The following RBBP6 variants were observed in gnomAD, a reference collection of about 807,000 sequenced individuals.
RBBP6 encodes RB binding protein 6, ubiquitin ligase.
RBBP6 carries 25 observed loss-of-function variants against 167.7 expected under a neutral mutation model. The observed-to-expected ratio is 0.15, with a 90% confidence interval of 0.11 to 0.21. The LOEUF (loss-of-function observed/expected upper bound fraction) is 0.21, where lower values mean the gene tolerates loss of function less well. Among genes scored for constraint, RBBP6 ranks in the 10% least tolerant of loss-of-function variants. The pLI, the probability that RBBP6 is intolerant of heterozygous loss-of-function variation, is 1.00. For synonymous variants in RBBP6, 789 were observed against 735.8 expected (o/e 1.07, Z -1.17); for missense variants, 1,868 against 2,134.2 (o/e 0.88, Z 2.46).
At position 24,559,541 on chromosome 16, in the gene RBBP6, C is replaced by T; in HGVS notation, c.711C>T (p.Pro237=). The T allele has an allele frequency of 6.2e-7, 1 of 1,603,550 alleles. No homozygotes were observed. The highest frequency in any genetic ancestry group is 8.5e-7 in the Non-Finnish European group (1 of 1,176,274). ...CAATTGGGAAGAAAGAGAAACCTCCCTTCTTACCAGAGGAGCCATCTTCTT... is the reference window on the plus strand; with the variant it reads ...CAATTGGGAAGAAAGAGAAACCTCCTTTCTTACCAGAGGAGCCATCTTCTT... ...AYAIGKKEKP[P]FLPEEPSSSS... is the part of the protein sequence containing the mutation. Residue 237 remains proline, a synonymous_variant, in exon 8 of 18, where the codon CCC becomes CCT. Coordinates refer to ENST00000319715, the MANE Select transcript of RBBP6 (RefSeq NM_006910.5).
Position 24,569,799 on chromosome 16 carries a change from C to A in RBBP6, c.3109C>A (p.Pro1037Thr). The change falls in exon 17 of 18, where the codon CCT becomes ACT. Residue 1037 changes from proline to threonine, a missense_variant. This residue lies in a region of RBBP6 where 673 missense variants were observed against 691.5 expected (regional missense o/e 0.97). Coordinates refer to ENST00000319715, the MANE Select transcript of RBBP6 (RefSeq NM_006910.5). ...GTCCAAAAAAGAAAATATTGTAAAACCTGCTAAAGGACCCCAAGAAAAAGT... is the reference window on the plus strand; with the variant it reads ...GTCCAAAAAAGAAAATATTGTAAAAACTGCTAAAGGACCCCAAGAAAAAGT... ...AVSKKENIVK[P>T]AKGPQEKVDG... The A allele has an allele frequency of 1.2e-6, 2 of 1,613,022 alleles. No homozygotes were observed. The highest frequency in any genetic ancestry group is 1.7e-5 in the Admixed American group (1 of 59,746).
intron 3 of RBBP6, among the ~76,000 whole-genome samples, chr16:24,551,598 A>G (rs1991474): frequency 0.26 from 39,446 of 151,566 alleles, 5,210 homozygotes; most frequent in Admixed American, 0.33. Flanking sequence ...CTAATAAGTT[A>G]GCAGAAAGCT....
chr16:24,541,448 G>A (rs1701994538), intron 1 of RBBP6, among the ~76,000 whole-genome samples: 1 of 152,184 alleles, frequency 6.6e-6, no homozygotes, highest in African/African-American at 2.4e-5. Context: ...CGGCAATTAA[G>A]TAGTTAAACT....
chr16:24,565,657 C>A (rs1899178398), intron 14 of RBBP6, among the ~76,000 whole-genome samples: 1 of 152,152 alleles, frequency 6.6e-6, no homozygotes, highest in Non-Finnish European at 1.5e-5. Flanking sequence ...TACCCCCCTG[C>A]CCCCGTCCAT....
chr16:24,557,413 A>T (rs1223504819), intron 7 of RBBP6, among the ~76,000 whole-genome samples: 1 of 152,110 alleles, frequency 6.6e-6, no homozygotes, highest in African/African-American at 2.4e-5. Context: ...TTATTAATGT[A>T]GTCAGTTACT....
rs996306231 is a variant in RBBP6, at chr16:24,552,161, T to C, written c.304-1352T>C. Among the ~76,000 whole-genome samples, 19 of 151,946 alleles carry C rather than the reference T, an allele frequency of 1.3e-4. 5 individuals are homozygous for C. The highest frequency in any genetic ancestry group is 6.6e-5 in the Admixed American group (1 of 15,264). ...TGTCTGAATAAACATCCCAGTAATA[T>C]CCATCAAATTAACTTTTAAAACCCT... On this transcript the variant is annotated intron_variant, in intron 3 of 17. Coordinates refer to ENST00000319715, the MANE Select transcript of RBBP6 (RefSeq NM_006910.5).
Position 24,572,115 on chromosome 16 carries a change from C to T in RBBP6, c.5049C>T (p.Val1683=). Residue 1683 remains valine, a synonymous_variant, in exon 18 of 18, where the codon GTC becomes GTT. Transcript: ENST00000319715. The part of the protein sequence containing the change: ...AKESLDTAAV[V]QVGISRNQSH... ...AGAGCCTGGACACAGCAGCAGTTGT[C>T]CAGGTGGGCATAAGCAGGAATCAGA... 1 of 1,614,090 alleles carries T rather than the reference C, an allele frequency of 6.2e-7. No individual in the cohort carries two copies. Among genetic ancestry groups the T allele is most frequent in the Non-Finnish European group, 8.5e-7 (1 of 1,180,006 alleles).
chr16:24,569,035 A>G lies in RBBP6; in HGVS notation c.2345A>G (p.Asn782Ser). Residue 782 changes from asparagine to serine, a missense_variant, in exon 17 of 18, where the codon AAT (asparagine) becomes AGT (serine). Transcript: ENST00000319715. ...SPQAFRGQSPNKRNVPQGETE... is the reference protein window; with the variant it reads ...SPQAFRGQSPSKRNVPQGETE... ...CAAGCGTTTAGGGGACAGTCTCCTA[A>G]TAAACGTAATGTACCTCAAGGGGAA... The G allele has an allele frequency of 6.2e-7, 1 of 1,614,240 alleles. No individual in the cohort carries two copies. Among genetic ancestry groups the G allele is most frequent in the Non-Finnish European group, 8.5e-7 (1 of 1,180,038 alleles).
Position 24,567,279 on chromosome 16 carries a change from C to G in RBBP6, c.1726C>G (p.Pro576Ala), listed in dbSNP as rs546663828. 1.2e-5 allele frequency: 19 copies of G among 1,614,038 alleles called. No homozygotes were observed. Among genetic ancestry groups the G allele is most frequent in the East Asian group, 2.2e-5 (1 of 44,896 alleles). The change falls in exon 15 of 18, where the codon CCG (proline) becomes GCG (alanine). Residue 576 changes from proline (P) to alanine (A), a missense_variant. Physicochemically the swap from Pro to Ala is conservative, Grantham distance 27. Coordinates refer to ENST00000319715, the MANE Select transcript of RBBP6 (RefSeq NM_006910.5). ...TCCTCCCCATACACTTCCTCTCCCT[C>G]CGGGTGTTCCTCCTCCACAGTTTTC... ...PPPPHTLPLP[P>A]GVPPPQFSPQ...
chr16:24,570,414 G>A lies in RBBP6; in HGVS notation c.3724G>A (p.Val1242Ile). ...AAAATTGGAGTCAACATCTAGCAAA[G>A]TTAAACAAGAAAAAGTCAAAGGAAA... ...SEKLESTSSK[V>I]KQEKVKGKVR... Residue 1242 changes from valine to isoleucine, a missense_variant, in exon 17 of 18, where the codon GTT becomes ATT. Around this residue, in one of 7 missense-constraint regions of RBBP6, gnomAD observed 673 missense variants for 691.5 expected, o/e 0.97. Transcript: ENST00000319715. The A allele has an allele frequency of 6.2e-7, 1 of 1,610,742 alleles. No homozygotes were observed. Among genetic ancestry groups the A allele is most frequent in the Non-Finnish European group, 8.5e-7 (1 of 1,179,322 alleles).
chr16:24,560,719 TAAC>T (rs991064627), intron 8 of RBBP6, among the ~76,000 whole-genome samples: 9 of 152,210 alleles, frequency 5.9e-5, no homozygotes, highest in South Asian at 2.1e-4. Context: ...AATAAGAGTA[TAAC>T]AACTATTTAC....
Position 24,572,505 on chromosome 16 carries a change from A to G in RBBP6, c.*60A>G. On this transcript the variant is annotated 3_prime_UTR_variant, in exon 18 of 18. Coordinates refer to ENST00000319715, the MANE Select transcript of RBBP6 (RefSeq NM_006910.5). ...GTCATCTGTATTAAATTTTGTTATAATGTAAAGAGATTCAAGCCTTGTAAA... is the reference window on the plus strand; with the variant it reads ...GTCATCTGTATTAAATTTTGTTATAGTGTAAAGAGATTCAAGCCTTGTAAA... 6.8e-7 allele frequency: 1 copy of G among 1,464,302 alleles called. No individual in the cohort carries two copies. The highest frequency in any genetic ancestry group is 1.4e-5 in the African/African-American group (1 of 70,138). 90.7% of individuals were successfully genotyped at this position (1,464,302 alleles called of 1,614,324 possible). A position where few individuals can be genotyped will look rare whatever the true frequency, so the allele number is the denominator to read the frequency against.
At position 24,569,803 on chromosome 16, in the gene RBBP6, C is replaced by T. The variant is rs755055782; in HGVS notation, c.3113C>T (p.Ala1038Val). Reference sequence around the variant, plus strand: ...AAAAAAGAAAATATTGTAAAACCTGCTAAAGGACCCCAAGAAAAAGTAGAT... The same window carrying T: ...AAAAAAGAAAATATTGTAAAACCTGTTAAAGGACCCCAAGAAAAAGTAGAT... ...VSKKENIVKP[A>V]KGPQEKVDGE... The change falls in exon 17 of 18, where the codon GCT (alanine) becomes GTT (valine). Residue 1038 changes from alanine to valine, a missense_variant. Physicochemically the swap from Ala to Val is moderately conservative, Grantham distance 64. This residue lies in a region of RBBP6 where 673 missense variants were observed against 691.5 expected (regional missense o/e 0.97). Transcript: ENST00000319715. 5.0e-6 allele frequency: 8 copies of T among 1,612,220 alleles called. No homozygotes were observed. Among genetic ancestry groups the T allele is most frequent in the African/African-American group, 1.3e-5 (1 of 74,688 alleles).
In RBBP6 at chr16:24,540,128, C is replaced by T. The variant is rs1041045778; in HGVS notation, c.-499C>T. 1 of 153,608 alleles carries T rather than the reference C, an allele frequency of 6.5e-6. No homozygotes were observed. Among genetic ancestry groups the T allele is most frequent in the Non-Finnish European group, 1.5e-5 (1 of 68,798 alleles). 9.5% of individuals were successfully genotyped at this position (153,608 alleles called of 1,614,324 possible). A position where few individuals can be genotyped will look rare whatever the true frequency, so the allele number is the denominator to read the frequency against. On this transcript the variant is annotated 5_prime_UTR_variant, in exon 1 of 18. Transcript: ENST00000319715. ...AGCCAGGAGGAGGCGTGAGGCCGCT[C>T]GTGGACTCCGGGCCTAGGCCCTCTC...
chr16:24,559,784 A>ATGAC lies in RBBP6; in HGVS notation c.847+108_847+111dup, dbSNP rs1328464775. The ATGAC allele has an allele frequency of 9.5e-6, 10 of 1,047,130 alleles. No individual in the cohort carries two copies. The African/African-American group carries it at 1.5e-4, about 16-fold the overall frequency. The allele number at this position is 1,047,130 out of a possible 1,614,324, so 64.9% of individuals were successfully genotyped here. On this transcript the variant is annotated intron_variant, in intron 8 of 17. Transcript: ENST00000319715. ...TTTAATAATAAAATAAATAATGTTG[A>ATGAC]TGACAAGTGTTGATCAATGAGCATT...
intron 7 of RBBP6, among the ~76,000 whole-genome samples, chr16:24,558,873 C>G (rs9926381): frequency 0.15 from 22,178 of 152,094 alleles, 1,838 homozygotes; most frequent in East Asian, 0.25. Context: ...AATTGATTAA[C>G]CTCTCTTAAA....
Position 24,568,763 on chromosome 16 carries a change from T to C in RBBP6, c.2073T>C (p.Ser691=). Residue 691 remains serine (S), a synonymous_variant, in exon 17 of 18, where the codon AGT becomes AGC. Transcript: ENST00000319715. The part of the protein sequence containing the change: ...RSFSRSKSPY[S]GSSYSRSSYT... ...TTTTTAGGTCTAAATCTCCCTATAG[T>C]GGTTCTTCGTATTCAAGAAGTTCAT... 6.2e-7 allele frequency: 1 copy of C among 1,613,816 alleles called. No homozygotes were observed. Among genetic ancestry groups the C allele is most frequent in the East Asian group, 2.2e-5 (1 of 44,886 alleles).
intron 8 of RBBP6, 89 bp from the exon 9 acceptor site, chr16:24,561,523 G>C (rs1264717899): frequency 1.4e-5 from 16 of 1,114,062 alleles, no homozygotes; most frequent in Non-Finnish European, 1.7e-5. Context: ...TAATGTAACT[G>C]AACAAATGTG....
chr16:24,553,728 ACTTTGTC>A (rs1898852840), intron 4 of RBBP6, 171 bp downstream of exon 4: 2 of 413,818 alleles, frequency 4.8e-6, no homozygotes, highest in African/African-American at 2.0e-5. Context: ...ATAGGGGAAT[ACTTTGTC>A]AGCCTCAGCG....
Sources: gnomAD v4.1 joint callset for allele counts (sites outside exome capture counted in the v4.1 genomes callset) on GRCh38, gnomAD v4.1.1 for gene constraint, gnomAD v4.1.1 regional missense constraint, MANE v1.5 for transcripts, NCBI Gene and HGNC (gene_info 2026-07-23, HGNC 2026-07-21) for gene names.